FAM222B: variants seen among roughly 807,000 people sequenced by gnomAD.
FAM222B encodes protein FAM222B.
Under a neutral mutation model 38.0 loss-of-function variants are expected in FAM222B, and 12 were observed. That is an observed-to-expected ratio of 0.32 (90% CI 0.20 to 0.51). The LOEUF is 0.51. Ranked by LOEUF, FAM222B falls within the 20% of genes least tolerant of loss-of-function variation. FAM222B has a pLI of 0.97. For missense variants in FAM222B, 716 were observed against 754.2 expected (o/e 0.95, Z 0.59); for synonymous variants, 329 against 317.2 (o/e 1.04, Z -0.40).
At chr17:28,786,070 G>A (rs983860511) in intron 1 of FAM222B, among the ~76,000 whole-genome samples, 1 of 151,062 alleles carries the variant, frequency 6.6e-6, no homozygotes, top group Admixed American at 6.6e-5. Context: ...CTCACCTCGT[G>A]ATCTATCCAC....
chr17:28,760,240 CA>C (rs2035006454), intron 2 of FAM222B, among the ~76,000 whole-genome samples: 1 of 152,088 alleles, frequency 6.6e-6, no homozygotes. Context: ...AGAATTTGGC[CA>C]ATTCTCAGAG....
intron 1 of FAM222B, among the ~76,000 whole-genome samples, chr17:28,803,332 C>T (rs1189730203): frequency 6.6e-6 from 1 of 151,942 alleles, no homozygotes; most frequent in Non-Finnish European, 1.5e-5. Context: ...TTTAGAGACA[C>T]GGTCCTGCTC....
chr17:28,838,673 G>A (rs959145222), intron 1 of FAM222B, among the ~76,000 whole-genome samples: 4 of 152,084 alleles, frequency 2.6e-5, no homozygotes, highest in Non-Finnish European at 5.9e-5. Flanking sequence ...TTGGGAGGCC[G>A]AGGCAGGCGG....
intron 1 of FAM222B, among the ~76,000 whole-genome samples, chr17:28,828,005 C>A (rs1016517160): frequency 6.7e-6 from 1 of 149,546 alleles, no homozygotes; most frequent in Non-Finnish European, 1.5e-5. Flanking sequence ...TGAAAAAATG[C>A]AGATTTAGGA....
upstream of FAM222B, among the ~76,000 whole-genome samples, chr17:28,844,311 G>A (rs1018984870): frequency 1.3e-5 from 2 of 152,138 alleles, no homozygotes; most frequent in Non-Finnish European, 2.9e-5. Context: ...TACAACGTAA[G>A]GGGGAAAAAG....
In FAM222B at chr17:28,758,852, C is replaced by T. The variant is rs1359630327; in HGVS notation, c.1107G>A (p.Gln369=). 1 of 1,604,596 alleles carries T rather than the reference C, an allele frequency of 6.2e-7. No individual in the cohort carries two copies. The highest frequency in any genetic ancestry group is 2.2e-5 in the East Asian group (1 of 44,498). The stretch of plus-strand genomic sequence containing the variant: ...TGCACATCTGCTGTAGGTGGGCCAG[C>T]TGGTGCTGGTTCCAGGTGACTGGCT... The part of the protein sequence containing the change: ...DLKPVTWNQH[Q]LAHLQQMCSE... The change falls in exon 3 of 3, where the codon CAG becomes CAA. Residue 369 remains glutamine, a synonymous_variant. Coordinates refer to ENST00000581407, the MANE Select transcript of FAM222B (RefSeq NM_001077498.3).
At chr17:28,806,225 T>C (rs2037491925) in intron 1 of FAM222B, among the ~76,000 whole-genome samples, 1 of 152,212 alleles carries the variant, frequency 6.6e-6, no homozygotes, top group Admixed American at 6.5e-5. Context: ...GCTTGCCCTT[T>C]TGTGTGTATA....
At chr17:28,779,963 C>A (rs1377493459) in intron 1 of FAM222B, among the ~76,000 whole-genome samples, 4 of 148,112 alleles carry the variant, frequency 2.7e-5, no homozygotes, top group African/African-American at 9.9e-5. Context: ...AAGACAAGGA[C>A]CACTCTAGCC....
intron 1 of FAM222B, among the ~76,000 whole-genome samples, chr17:28,782,705 G>C (rs915840441): frequency 2.6e-5 from 4 of 152,112 alleles, no homozygotes; most frequent in African/African-American, 9.7e-5. Flanking sequence ...CATTTGTGGG[G>C]ATAAATTCTC....
At chr17:28,848,022 C>T (rs1478822439) in intron 1 of FAM222B, among the ~76,000 whole-genome samples, 2 of 152,034 alleles carry the variant, frequency 1.3e-5, no homozygotes, top group Non-Finnish European at 2.9e-5. Context: ...CATCTGAAAT[C>T]CCAACACTTT....
chr17:28,788,666 G>T (rs2036526835), intron 1 of FAM222B, among the ~76,000 whole-genome samples: 2 of 152,126 alleles, frequency 1.3e-5, no homozygotes, highest in Admixed American at 6.6e-5. Context: ...GTTAATCGGG[G>T]AGGAAAAATC....
chr17:28,773,548 A>G (rs2035742149), intron 1 of FAM222B, among the ~76,000 whole-genome samples: 1 of 149,016 alleles, frequency 6.7e-6, no homozygotes, highest in Admixed American at 6.7e-5. Flanking sequence ...CCTGTAATCC[A>G]AGCACTTTGG....
chr17:28,840,871 G>C (rs2039013651), intron 1 of FAM222B, among the ~76,000 whole-genome samples: 2 of 152,088 alleles, frequency 1.3e-5, no homozygotes, highest in Non-Finnish European at 2.9e-5. Flanking sequence ...TGAGGCAGGA[G>C]AATTGCTTGA....
intron 1 of FAM222B, among the ~76,000 whole-genome samples, chr17:28,769,592 C>T (rs568094598): frequency 6.6e-6 from 1 of 152,226 alleles, no homozygotes; most frequent in African/African-American, 2.4e-5. Flanking sequence ...CCACCGCGCC[C>T]GGCCAATTCT....
At chr17:28,769,249 G>A (rs983268407) in intron 1 of FAM222B, among the ~76,000 whole-genome samples, 2 of 136,514 alleles carry the variant, frequency 1.5e-5, no homozygotes, top group African/African-American at 2.7e-5. Flanking sequence ...GTGCGATCTC[G>A]GTTCACTGCA....
At chr17:28,805,317 T>C (rs1415084040) in intron 1 of FAM222B, among the ~76,000 whole-genome samples, 2 of 152,178 alleles carry the variant, frequency 1.3e-5, no homozygotes, top group Non-Finnish European at 2.9e-5. Flanking sequence ...GGCAGATCAC[T>C]TGAGGCCAGA....
chr17:28,814,190 A>C (rs1246915743), intron 1 of FAM222B, among the ~76,000 whole-genome samples: 1 of 151,920 alleles, frequency 6.6e-6, no homozygotes, highest in African/African-American at 2.4e-5. Flanking sequence ...AAAAAAAAAA[A>C]AGAAAAGAAA....
intron 1 of FAM222B, among the ~76,000 whole-genome samples, chr17:28,841,773 T>C (rs2039045150): frequency 6.6e-6 from 1 of 152,192 alleles, no homozygotes; most frequent in African/African-American, 2.4e-5. Context: ...CCCTCCATCC[T>C]TTCGGGTGAG....
intron 1 of FAM222B, among the ~76,000 whole-genome samples, chr17:28,826,055 C>T (rs940549107): frequency 1.4e-5 from 2 of 141,808 alleles, no homozygotes; most frequent in African/African-American, 2.6e-5. Flanking sequence ...ATTACCGTGC[C>T]CGGCCATTAA....
Sources: allele counts gnomAD v4.1 joint callset (sites outside exome capture counted in the v4.1 genomes callset), GRCh38; gene constraint gnomAD v4.1.1; transcripts MANE v1.5; gene names NCBI Gene and HGNC (gene_info 2026-07-23, HGNC 2026-07-21).